Variants in KCNK16 observed in about 807,000 individuals in gnomAD.
The protein encoded by KCNK16 is potassium channel subfamily K member 16.
KCNK16 carries 23 observed loss-of-function variants against 23.0 expected under a neutral mutation model. That is an observed-to-expected ratio of 1.00 (90% CI 0.72 to 1.41). The LOEUF (loss-of-function observed/expected upper bound fraction) is 1.41, where lower values mean the gene tolerates loss of function less well. Among genes scored for constraint, KCNK16 ranks in the 40% most tolerant of loss-of-function variants. The probability of loss-of-function intolerance (pLI) is 0.00; values close to 1 mark genes in which losing one functional copy is unlikely to be tolerated. For synonymous variants in KCNK16, 145 were observed against 153.5 expected, an observed-to-expected ratio of 0.94 and a Z score of 0.41; for missense variants, 327 against 365.8, an observed-to-expected ratio of 0.89 and a Z score of 0.87.
chr6:39,322,495 GC>G lies in KCNK16; in HGVS notation c.45del (p.Leu17CysfsTer19). On this transcript the variant is annotated frameshift_variant, in exon 1 of 5. Transcript: ENST00000437525. LOFTEE classifies it high-confidence loss of function. ...GLCSCWGGRVLPLLLAYVCYL... is the reference protein window; with the variant it reads ...GLCSCWGGRVXPLLLAYVCYL... The stretch of plus-strand genomic sequence containing the variant: ...TAGCAGACATAGGCCAGCAGCAGGG[GC>G]AGCACCCGGCCACCCCAGCAGCTGC... The G allele has an allele frequency of 6.2e-7, 1 of 1,612,046 alleles. No homozygotes were observed. The highest frequency in any genetic ancestry group is 8.5e-7 in the Non-Finnish European group (1 of 1,179,590).
rs764139296 is a variant in KCNK16, at chr6:39,322,309, C to A, written c.213+19G>T. 1 of 1,603,842 alleles carries A rather than the reference C, an allele frequency of 6.2e-7. No individual in the cohort carries two copies. Among genetic ancestry groups the A allele is most frequent in the Non-Finnish European group, 8.5e-7 (1 of 1,171,792 alleles). ...CTTCCCAAGCCTCTCCATCCCAATC[C>A]CACATCGCTCCCCTTCACCTGCACA... On this transcript the variant is annotated intron_variant, in intron 1 of 4. Coordinates refer to ENST00000437525, the MANE Select transcript of KCNK16 (RefSeq NM_001135106.2).
chr6:39,317,337 C>CT (rs765507078), intron 3 of KCNK16, among the ~76,000 whole-genome samples: 104 of 152,314 alleles, frequency 6.8e-4, no homozygotes, highest in Non-Finnish European at 1.3e-3. Flanking sequence ...AGCTTGTTTG[C>CT]TACTGCACAA....
downstream of KCNK16, chr6:39,316,169 G>T: frequency 6.8e-7 from 1 of 1,465,334 alleles, no homozygotes; most frequent in South Asian, 1.4e-5. Context: ...AGAGCAGATA[G>T]GGTGGGACTG....
At chr6:39,322,794 C>T, upstream of KCNK16, 1 of 521,026 alleles carries the variant, frequency 1.9e-6, no homozygotes, top group Non-Finnish European at 3.4e-6. Flanking sequence ...AGCAGCAAGT[C>T]AGTGTCAGGG....
At chr6:39,316,974 G>A (rs1286423042) in intron 3 of KCNK16, 27 bp from the exon 4 acceptor site, 1 of 1,595,392 alleles carries the variant, frequency 6.3e-7, no homozygotes, top group South Asian at 1.1e-5. Context: ...TGGCCTCTGA[G>A]TCCACTTGAA....
chr6:39,316,750 A>T, intron 4 of KCNK16, 32 bp downstream of exon 4: 1 of 1,600,690 alleles, frequency 6.2e-7, no homozygotes, highest in Non-Finnish European at 8.5e-7. Context: ...GGGCACCCCC[A>T]CCCTGAGATA....
At chr6:39,320,234 G>T (rs76991883) in intron 1 of KCNK16, among the ~76,000 whole-genome samples, 1 of 152,198 alleles carries the variant, frequency 6.6e-6, no homozygotes, top group Admixed American at 6.5e-5. Flanking sequence ...TCACTTTGAC[G>T]GGAACTGGCC....
rs765517714 is a variant in KCNK16, at chr6:39,316,852, C to G, written c.591G>C (p.Trp197Cys). 1.2e-6 allele frequency: 2 copies of G among 1,614,020 alleles called. No homozygotes were observed. The highest frequency in any genetic ancestry group is 2.7e-5 in the African/African-American group (2 of 74,900). The change falls in exon 4 of 5, where the codon TGG (tryptophan) becomes TGC (cysteine). Residue 197 changes from tryptophan to cysteine, a missense_variant. Transcript: ENST00000437525. ...PPMVFSHVEGWSFSEGFYFAF... is the reference protein window; with the variant it reads ...PPMVFSHVEGCSFSEGFYFAF... Reference sequence around the variant, plus strand: ...CAAAGTAGAAGCCCTCGCTGAAGCTCCAGCCCTCCACATGGCTGAAGACCA... The same window carrying G: ...CAAAGTAGAAGCCCTCGCTGAAGCTGCAGCCCTCCACATGGCTGAAGACCA...
chr6:39,316,742 G>A (rs1247376049), intron 4 of KCNK16, 40 bp downstream of exon 4: 1 of 1,592,036 alleles, frequency 6.3e-7, no homozygotes, highest in South Asian at 1.1e-5. Flanking sequence ...ATCCCAGTGG[G>A]CACCCCCACC....
chr6:39,315,532 G>A, downstream of KCNK16: 17 of 1,143,168 alleles, frequency 1.5e-5, no homozygotes, highest in South Asian at 2.8e-4. Context: ...GGCAAGGGGA[G>A]CTGGCGAGCT....
rs146841804 is a variant in KCNK16 at position 39,319,746 on chromosome 6, AGTGTGTGTGTGTGT to A, written c.214-627_214-614del. 1.3e-5 allele frequency among the ~76,000 whole-genome samples: 2 copies of A among 148,276 alleles called. No homozygotes were observed. The highest frequency in any genetic ancestry group is 2.2e-4 in the South Asian group (1 of 4,574). On this transcript the variant is annotated intron_variant, in intron 1 of 4. Coordinates refer to ENST00000437525, the MANE Select transcript of KCNK16 (RefSeq NM_001135106.2). This position sits in a 1 kb window ranked among gnomAD's most constrained non-coding sequence, Gnocchi z 4.2. ...GGCCAAGACAAAGGTGGCACGTGTG[AGTGTGTGTGTGTGT>A]GTGTGTGTGTGTGTGGTGGTTGTTT...
downstream of KCNK16, chr6:39,315,558 C>T (rs1762279915): frequency 1.3e-5 from 10 of 783,700 alleles, no homozygotes; most frequent in Admixed American, 2.3e-4. Flanking sequence ...AGGCAGCTCG[C>T]CTGCCCCTCG....
At chr6:39,321,727 G>A (rs893744942) in intron 1 of KCNK16, among the ~76,000 whole-genome samples, 1 of 152,232 alleles carries the variant, frequency 6.6e-6, no homozygotes, top group Non-Finnish European at 1.5e-5. Flanking sequence ...CTGTTACCAA[G>A]AGAGAGCCCC....
At chr6:39,315,784 C>T (rs1457603391), downstream of KCNK16, among the ~76,000 whole-genome samples, 2 of 152,206 alleles carry the variant, frequency 1.3e-5, no homozygotes, top group Non-Finnish European at 1.5e-5. Flanking sequence ...GGCACTTCCA[C>T]TGCTGTATCC....
downstream of KCNK16, chr6:39,314,669 G>C (rs2113845631): frequency 4.9e-6 from 2 of 409,734 alleles, no homozygotes; most frequent in East Asian, 7.5e-5. Context: ...TGAACAATGG[G>C]AGGGACTTCT....
downstream of KCNK16, chr6:39,316,068 G>A: frequency 8.6e-7 from 1 of 1,156,616 alleles, no homozygotes; most frequent in Non-Finnish European, 1.2e-6. Context: ...GGATATACCT[G>A]TCTCCTTTCT....
At chr6:39,314,981 G>C (rs754431064), downstream of KCNK16, 5 of 1,573,184 alleles carry the variant, frequency 3.2e-6, no homozygotes, top group East Asian at 9.0e-5. Context: ...CGTCTAGGCT[G>C]TGTGAAGAGT....
chr6:39,317,785 C>T lies in KCNK16; in HGVS notation c.495+1G>A, dbSNP rs1407370380. The T allele has an allele frequency of 1.9e-6, 3 of 1,585,670 alleles. No homozygotes were observed. Among genetic ancestry groups the T allele is most frequent in the African/African-American group, 1.3e-5 (1 of 74,470 alleles). On this transcript the variant is annotated splice_donor_variant, in intron 3 of 4. Coordinates refer to ENST00000437525, the MANE Select transcript of KCNK16 (RefSeq NM_001135106.2). LOFTEE classifies it high-confidence loss of function. ...GCCTGTAAGGGAGTTAGGGGGCATA[C>T]CTGGGAGCGCCTGGGACGGTCCTCC...
At chr6:39,315,442 CAG>C (rs1762274056), downstream of KCNK16, 1 of 1,543,578 alleles carries the variant, frequency 6.5e-7, no homozygotes, top group African/African-American at 1.4e-5. Context: ...CTGTGAGGGT[CAG>C]GGGAGGCCAT....
Sources: allele counts gnomAD v4.1 joint callset (sites outside exome capture counted in the v4.1 genomes callset), GRCh38; gene constraint gnomAD v4.1.1; non-coding constraint Gnocchi (gnomAD v3.1); transcripts MANE v1.5; gene names NCBI Gene and HGNC (gene_info 2026-07-23, HGNC 2026-07-21).